The following CNOT6 variants were observed in gnomAD, a reference collection of about 807,000 sequenced individuals.
CNOT6 encodes CCR4-NOT transcription complex subunit 6.
Under a neutral mutation model 61.2 loss-of-function variants are expected in CNOT6, and 12 were observed. That is an observed-to-expected ratio of 0.20 (90% CI 0.13 to 0.32). CNOT6 has a LOEUF of 0.32. CNOT6 is among the 10% of genes least tolerant of loss of function. The pLI, the probability that CNOT6 is intolerant of heterozygous loss-of-function variation, is 1.00. For synonymous variants in CNOT6, 225 were observed against 240.6 expected (o/e 0.94, Z 0.60); for missense variants, 405 against 663.9 (o/e 0.61, Z 4.28).
intron 1 of CNOT6, among the ~76,000 whole-genome samples, chr5:180,524,183 T>C (rs574692717): frequency 2.0e-4 from 31 of 152,302 alleles, no homozygotes; most frequent in African/African-American, 7.0e-4. Flanking sequence ...AAAAATTCTT[T>C]TGTAATTCTT....
At chr5:180,556,675 G>C (rs1759908308) in intron 4 of CNOT6, among the ~76,000 whole-genome samples, 1 of 152,152 alleles carries the variant, frequency 6.6e-6, no homozygotes, top group African/African-American at 2.4e-5. Flanking sequence ...CTACCATCCC[G>C]GGCGCAGTGG....
At chr5:180,539,208 G>T (rs1303610958) in intron 2 of CNOT6, among the ~76,000 whole-genome samples, 1 of 149,492 alleles carries the variant, frequency 6.7e-6, no homozygotes, top group Non-Finnish European at 1.5e-5. Flanking sequence ...CAAGCAGGAG[G>T]ATTACTTGGA....
rs1342775944 is a variant in CNOT6 at position 180,574,209 on chromosome 5, C to G, written c.*9C>G. 3 of 1,604,710 alleles carry G rather than the reference C, an allele frequency of 1.9e-6. No individual in the cohort carries two copies. Among genetic ancestry groups the G allele is most frequent in the Non-Finnish European group, 2.6e-6 (3 of 1,171,466 alleles). ...TTCCTGGCAGGAGGTAGTCAAGCAC[C>G]TTCAGAGGACAGCCTTGATTCACTT... On this transcript the variant is annotated 3_prime_UTR_variant, in exon 12 of 12. Transcript: ENST00000261951.
intron 10 of CNOT6, among the ~76,000 whole-genome samples, chr5:180,570,704 G>A (rs1363116992): frequency 2.0e-5 from 3 of 152,174 alleles, no homozygotes; most frequent in Non-Finnish European, 2.9e-5. Context: ...TATTTTCATA[G>A]CCCATCTTAT....
intron 2 of CNOT6, among the ~76,000 whole-genome samples, chr5:180,546,331 A>AT (rs1183928342): frequency 4.0e-5 from 6 of 151,348 alleles, no homozygotes; most frequent in African/African-American, 1.2e-4. Flanking sequence ...AGCTTCTTCT[A>AT]TTTTTTCTTC....
chr5:180,543,933 C>T (rs1039093503), intron 2 of CNOT6, among the ~76,000 whole-genome samples: 2 of 152,132 alleles, frequency 1.3e-5, no homozygotes, highest in African/African-American at 4.8e-5. Context: ...GCTTCAGCCT[C>T]TCAAGTAGCT....
intron 1 of CNOT6, among the ~76,000 whole-genome samples, chr5:180,510,943 T>G (rs916502891): frequency 1.3e-5 from 2 of 152,146 alleles, no homozygotes; most frequent in Non-Finnish European, 2.9e-5. Flanking sequence ...TAGCTGGGAC[T>G]ACAGGCACCT....
chr5:180,556,392 T>C (rs1365600330), intron 4 of CNOT6, among the ~76,000 whole-genome samples: 1 of 152,324 alleles, frequency 6.6e-6, no homozygotes, highest in Middle Eastern at 3.4e-3. Flanking sequence ...GTGTATTTTT[T>C]AACAGCTAAA....
chr5:180,565,111 T>C (rs1031570802), intron 6 of CNOT6, among the ~76,000 whole-genome samples: 1 of 152,252 alleles, frequency 6.6e-6, no homozygotes, highest in Admixed American at 6.5e-5. Flanking sequence ...CACAACAGAC[T>C]TCACCTGAAA....
At chr5:180,517,569 C>T (rs1341387627) in intron 1 of CNOT6, among the ~76,000 whole-genome samples, 1 of 150,766 alleles carries the variant, frequency 6.6e-6, no homozygotes, top group East Asian at 1.9e-4. Flanking sequence ...TTTTTTGAGA[C>T]AGTCTCTCTC....
At chr5:180,526,690 T>G (rs413644) in intron 1 of CNOT6, among the ~76,000 whole-genome samples, 2 of 152,156 alleles carry the variant, frequency 1.3e-5, no homozygotes, top group African/African-American at 4.8e-5. Flanking sequence ...CAGCTATGTT[T>G]AGCTGCATGG....
At chr5:180,538,175 A>T (rs915149304) in intron 2 of CNOT6, among the ~76,000 whole-genome samples, 1 of 150,216 alleles carries the variant, frequency 6.7e-6, no homozygotes, top group African/African-American at 2.4e-5. Flanking sequence ...AGTAGCTGGG[A>T]CTACAGGTGC....
chr5:180,524,772 C>T (rs942267193), intron 1 of CNOT6, among the ~76,000 whole-genome samples: 2 of 152,126 alleles, frequency 1.3e-5, no homozygotes, highest in African/African-American at 4.8e-5. Context: ...ATCAATAATT[C>T]TAATGATTAA....
intron 2 of CNOT6, among the ~76,000 whole-genome samples, chr5:180,538,697 T>TATATATAC (rs1172330123): frequency 2.6e-5 from 1 of 38,552 alleles, no homozygotes; most frequent in African/African-American, 6.9e-5. Flanking sequence ...TATATATATA[T>TATATATAC]ATATATATAT....
At chr5:180,551,448 G>C (rs1346603120) in intron 3 of CNOT6, among the ~76,000 whole-genome samples, 1 of 152,168 alleles carries the variant, frequency 6.6e-6, no homozygotes, top group African/African-American at 2.4e-5. Context: ...ATGTTGCCCA[G>C]GCAGGTCTTA....
chr5:180,497,285 C>A (rs1441561919), intron 1 of CNOT6, among the ~76,000 whole-genome samples: 2 of 148,374 alleles, frequency 1.3e-5, no homozygotes, highest in Non-Finnish European at 3.0e-5. Flanking sequence ...CAGGATCACG[C>A]CACTGCACTT....
At chr5:180,525,365 A>G (rs893857190) in intron 1 of CNOT6, among the ~76,000 whole-genome samples, 1 of 151,938 alleles carries the variant, frequency 6.6e-6, no homozygotes, top group African/African-American at 2.4e-5. Flanking sequence ...GGCGAAAACC[A>G]ATCTCTACAA....
chr5:180,537,926 T>G (rs72812960), intron 2 of CNOT6, among the ~76,000 whole-genome samples: 2,874 of 152,012 alleles, frequency 0.019, 38 homozygotes, highest in Non-Finnish European at 0.027. Context: ...GTGATTTAAA[T>G]AAGTTTTAAG....
intron 4 of CNOT6, among the ~76,000 whole-genome samples, chr5:180,555,042 C>T (rs923208335): frequency 2.0e-4 from 30 of 149,384 alleles, no homozygotes; most frequent in Admixed American, 4.0e-4. Flanking sequence ...AGTCTCTTGT[C>T]GCCCAGGCTA....
Sources: allele counts gnomAD v4.1 joint callset (sites outside exome capture counted in the v4.1 genomes callset), GRCh38; gene constraint gnomAD v4.1.1; transcripts MANE v1.5; gene names NCBI Gene and HGNC (gene_info 2026-07-23, HGNC 2026-07-21).